Variants in TRIT1 observed in about 807,000 individuals in gnomAD.
TRIT1 encodes tRNA dimethylallyltransferase.
Under a neutral mutation model 51.2 loss-of-function variants are expected in TRIT1, and 43 were observed. The observed-to-expected ratio is 0.84, with a 90% CI of 0.66 to 1.08. The LOEUF (loss-of-function observed/expected upper bound fraction) is 1.08, where lower values mean the gene tolerates loss of function less well. TRIT1 is among the 50% of genes least tolerant of loss of function. TRIT1 has a pLI of 0.00. For synonymous variants in TRIT1, 184 were observed against 203.9 expected, an observed-to-expected ratio of 0.90 and a Z score of 0.83; for missense variants, 528 against 578.4, an observed-to-expected ratio of 0.91 and a Z score of 0.89.
chr1:39,883,342 C>G lies in TRIT1; in HGVS notation c.150G>C (p.Glu50Asp), dbSNP rs372784365. 2 of 1,610,134 alleles carry G rather than the reference C, an allele frequency of 1.2e-6. No individual in the cohort carries two copies. Among genetic ancestry groups the G allele is most frequent in the African/African-American group, 2.7e-5 (2 of 74,938 alleles). Reference protein sequence around the residue: ...ALQLGQRLGGEIVSADSMQVY... With the variant: ...ALQLGQRLGGDIVSADSMQVY... ...CCTGCATGGAGTCAGCGCTGACGATCTCACCGCCGAGCCGCTGGCCTAGCT... is the reference window on the plus strand; with the variant it reads ...CCTGCATGGAGTCAGCGCTGACGATGTCACCGCCGAGCCGCTGGCCTAGCT... The change falls in exon 1 of 11, where the codon GAG (glutamate) becomes GAC (aspartate). Residue 50 changes from glutamate to aspartate, a missense_variant. Transcript: ENST00000316891.
At chr1:39,865,686 A>AAAAAG (rs1557566289) in intron 1 of TRIT1, among the ~76,000 whole-genome samples, 6 of 147,724 alleles carry the variant, frequency 4.1e-5, no homozygotes, top group African/African-American at 1.0e-4. Context: ...AAAAAAAAAA[A>AAAAAG]AAAAGAAAAG....
chr1:39,872,013 C>G (rs1204234073), intron 1 of TRIT1, among the ~76,000 whole-genome samples: 1 of 151,920 alleles, frequency 6.6e-6, no homozygotes, highest in Non-Finnish European at 1.5e-5. Flanking sequence ...AAGCCATCCT[C>G]CTGCTTGAGC....
intron 1 of TRIT1, among the ~76,000 whole-genome samples, 179 bp downstream of exon 1, chr1:39,883,139 A>T (rs574495861): frequency 6.6e-6 from 1 of 152,314 alleles, no homozygotes; most frequent in African/African-American, 2.4e-5. Flanking sequence ...TGAGACGATG[A>T]TAAGGGAAAC....
intron 1 of TRIT1, among the ~76,000 whole-genome samples, chr1:39,867,130 T>C (rs1481243320): frequency 1.3e-5 from 2 of 152,220 alleles, no homozygotes; most frequent in Non-Finnish European, 2.9e-5. Flanking sequence ...ACCAGAATCA[T>C]ATAAGGCCAT....
intron 4 of TRIT1, 92 bp from the exon 5 acceptor site, chr1:39,850,353 AT>A: frequency 6.7e-7 from 1 of 1,484,146 alleles, no homozygotes; most frequent in Non-Finnish European, 9.1e-7. Flanking sequence ...AAGGCTGTTT[AT>A]TACAGAAAGC....
intron 1 of TRIT1, among the ~76,000 whole-genome samples, chr1:39,881,152 G>A (rs1297622707): frequency 6.6e-6 from 1 of 151,076 alleles, no homozygotes; most frequent in Non-Finnish European, 1.5e-5. Flanking sequence ...CTTGAACCCA[G>A]GAGGCAGAGG....
chr1:39,854,962 C>A (rs1035373528), intron 2 of TRIT1, among the ~76,000 whole-genome samples: 4 of 152,038 alleles, frequency 2.6e-5, no homozygotes, highest in African/African-American at 9.7e-5. Flanking sequence ...CCCACCTCAG[C>A]TCCCGCCACC....
At chr1:39,882,227 T>C (rs1343273648) in intron 1 of TRIT1, among the ~76,000 whole-genome samples, 1 of 152,238 alleles carries the variant, frequency 6.6e-6, no homozygotes, top group Non-Finnish European at 1.5e-5. Context: ...AAACAAATTA[T>C]TTTTTGAATT....
Position 39,841,026 on chromosome 1 carries a change from ATATCTTTT to A in TRIT1, c.*710_*717del, listed in dbSNP as rs1188124076. ...GTGTATAAACTAGGCATGGACTTGT[ATATCTTTT>A]TAAGGATCAAAGAGGCTCTTGTAAA... On this transcript the variant is annotated 3_prime_UTR_variant, in exon 11 of 11. Transcript: ENST00000316891. 2 of 152,256 alleles carry A rather than the reference ATATCTTTT, an allele frequency of 1.3e-5. No individual in the cohort carries two copies. Among genetic ancestry groups the A allele is most frequent in the African/African-American group, 4.8e-5 (2 of 41,472 alleles). The allele number at this position is 152,256 out of a possible 1,614,324, so 9.4% of individuals were successfully genotyped here.
At chr1:39,848,137 A>G (rs1339874145) in intron 5 of TRIT1, 40 bp from the exon 6 acceptor site, 2 of 1,483,548 alleles carry the variant, frequency 1.3e-6, no homozygotes, top group Admixed American at 1.7e-5. Context: ...AGCAAGTTGT[A>G]GGTACCTACT....
intron 2 of TRIT1, among the ~76,000 whole-genome samples, chr1:39,854,999 C>T (rs1421578376): frequency 6.6e-6 from 1 of 152,102 alleles, no homozygotes; most frequent in African/African-American, 2.4e-5. Context: ...AAGCACATGC[C>T]ACCACATCTG....
In TRIT1 at chr1:39,857,424, G is replaced by T; in HGVS notation, c.175-7C>A. ...TGTCTAGGCCTTCATAGACCTAGGG[G>T]AAAGAAAATTAACATGAGAAAGTCA... On this transcript the variant is annotated splice_polypyrimidine_tract_variant and splice_region_variant and intron_variant, in intron 1 of 10. Coordinates refer to ENST00000316891, the MANE Select transcript of TRIT1 (RefSeq NM_017646.6). The T allele has an allele frequency of 6.2e-7, 1 of 1,606,846 alleles. No homozygotes were observed. The highest frequency in any genetic ancestry group is 8.5e-7 in the Non-Finnish European group (1 of 1,176,696).
chr1:39,883,453 G>A lies in TRIT1; in HGVS notation c.39C>T (p.Gly13=), dbSNP rs1194225415. Residue 13 remains glycine (G), a synonymous_variant, in exon 1 of 11, where the codon GGC becomes GGT. Coordinates refer to ENST00000316891, the MANE Select transcript of TRIT1 (RefSeq NM_017646.6). ...SVAAARAVPV[G]SGLRGLQRTL... Reference sequence around the variant, plus strand: ...TCCGTTGCAGGCCCCTGAGCCCACTGCCCACGGGAACTGCTCGTGCAGCCG... The same window carrying A: ...TCCGTTGCAGGCCCCTGAGCCCACTACCCACGGGAACTGCTCGTGCAGCCG... 1 of 1,605,712 alleles carries A rather than the reference G, an allele frequency of 6.2e-7. No homozygotes were observed. Among genetic ancestry groups the A allele is most frequent in the East Asian group, 2.2e-5 (1 of 44,558 alleles).
intron 10 of TRIT1, among the ~76,000 whole-genome samples, chr1:39,842,767 C>A (rs762550285): frequency 1.3e-5 from 2 of 152,154 alleles, no homozygotes; most frequent in Non-Finnish European, 2.9e-5. Flanking sequence ...TTAAAAACAT[C>A]ATTTTTAAGA....
intron 1 of TRIT1, chr1:39,876,083 A>C (rs1408877387): frequency 6.8e-6 from 1 of 147,434 alleles, no homozygotes; most frequent in Non-Finnish European, 1.5e-5. Context: ...CAAAGGGATC[A>C]AGAGGCCAAC....
intron 4 of TRIT1, among the ~76,000 whole-genome samples, chr1:39,851,022 C>T (rs1557541794): frequency 6.6e-6 from 1 of 152,174 alleles, no homozygotes; most frequent in Non-Finnish European, 1.5e-5. Context: ...CAAATCTACA[C>T]TCTACCACTC....
intron 5 of TRIT1, among the ~76,000 whole-genome samples, chr1:39,849,001 A>G (rs764994589): frequency 4.6e-5 from 7 of 152,264 alleles, no homozygotes; most frequent in Non-Finnish European, 7.4e-5. Flanking sequence ...TTATTGAAAA[A>G]TTACCTTTTT....
intron 1 of TRIT1, among the ~76,000 whole-genome samples, chr1:39,860,822 G>T (rs950282846): frequency 3.4e-4 from 52 of 152,320 alleles, no homozygotes; most frequent in Middle Eastern, 3.4e-3. Context: ...GCTCACATCT[G>T]TAATTCCAGC....
intron 4 of TRIT1, chr1:39,852,444 GT>G (rs1322735910): frequency 3.1e-6 from 1 of 318,304 alleles, no homozygotes; most frequent in African/African-American, 2.2e-5. Flanking sequence ...TATGAAAACT[GT>G]TATACAAGCA....
Sources: allele counts gnomAD v4.1 joint callset (sites outside exome capture counted in the v4.1 genomes callset), GRCh38; gene constraint gnomAD v4.1.1; transcripts MANE v1.5; gene names NCBI Gene and HGNC (gene_info 2026-07-23, HGNC 2026-07-21).